Variants in FCHSD2 observed in about 807,000 individuals in gnomAD.
The protein encoded by FCHSD2 is F-BAR and double SH3 domains protein 2.
In FCHSD2, 38 loss-of-function variants were observed where a neutral mutation model predicts 108.1. The observed-to-expected ratio is 0.35, with a 90% confidence interval of 0.27 to 0.46. The LOEUF (loss-of-function observed/expected upper bound fraction) is 0.46, where lower values mean the gene tolerates loss of function less well. Among genes scored for constraint, FCHSD2 ranks in the 20% least tolerant of loss-of-function variants. The pLI, the probability that FCHSD2 is intolerant of heterozygous loss-of-function variation, is 1.00. For missense variants in FCHSD2, 751 were observed against 897.8 expected (o/e 0.84, Z 2.09); for synonymous variants, 279 against 314.7 (o/e 0.89, Z 1.20).
At chr11:72,915,977 A>T (rs1356323779) in intron 9 of FCHSD2, among the ~76,000 whole-genome samples, 1 of 152,192 alleles carries the variant, frequency 6.6e-6, no homozygotes, top group African/African-American at 2.4e-5. Context: ...CAGAAAAGCA[A>T]ATACCACATG....
At chr11:73,096,987 A>AATT (rs1860095700) in intron 2 of FCHSD2, among the ~76,000 whole-genome samples, 1 of 27,020 alleles carries the variant, frequency 3.7e-5, no homozygotes, top group African/African-American at 2.0e-4. Flanking sequence ...TCATTGATGG[A>AATT]TTTTTTTTTT....
intron 8 of FCHSD2, among the ~76,000 whole-genome samples, chr11:72,959,792 T>TC (rs1856788066): frequency 6.6e-6 from 1 of 151,964 alleles, no homozygotes; most frequent in African/African-American, 2.4e-5. Context: ...ATCATGTACA[T>TC]TATATGCTGA....
rs558294398 is a variant in FCHSD2, at chr11:72,964,536, T to G, written c.705+19552A>C. 5.9e-5 allele frequency among the ~76,000 whole-genome samples: 9 copies of G among 152,256 alleles called. No individual in the cohort carries two copies. In the East Asian group the frequency reaches 1.7e-3, roughly 29 times the overall value. On this transcript the variant is annotated intron_variant, in intron 8 of 19. Transcript: ENST00000409418. ...TCATTCCTTAAGGGCAAGGGCTGTGTTTTTGTTGCCTTTTCGTCTGGAGTC... is the reference window on the plus strand; with the variant it reads ...TCATTCCTTAAGGGCAAGGGCTGTGGTTTTGTTGCCTTTTCGTCTGGAGTC...
intron 8 of FCHSD2, among the ~76,000 whole-genome samples, chr11:72,930,845 C>T (rs1856174713): frequency 6.6e-6 from 1 of 151,652 alleles, no homozygotes; most frequent in African/African-American, 2.4e-5. Context: ...CTAATGGGTA[C>T]AAAAAAATAG....
intron 2 of FCHSD2, among the ~76,000 whole-genome samples, chr11:73,119,553 C>A (rs1860683745): frequency 6.6e-6 from 1 of 152,076 alleles, no homozygotes; most frequent in South Asian, 2.1e-4. Flanking sequence ...TAACCTCAAC[C>A]TCCTGGGTGC....
chr11:73,036,781 C>G (rs938822517), intron 3 of FCHSD2, among the ~76,000 whole-genome samples: 1 of 152,180 alleles, frequency 6.6e-6, no homozygotes, highest in African/African-American at 2.4e-5. Context: ...TCTTCCTCCA[C>G]AAATATTGTG....
At chr11:73,104,917 C>T (rs1860306764) in intron 2 of FCHSD2, among the ~76,000 whole-genome samples, 1 of 152,136 alleles carries the variant, frequency 6.6e-6, no homozygotes, top group Admixed American at 6.5e-5. Flanking sequence ...CTATATTTTA[C>T]AATATAGTTT....
At chr11:72,854,767 T>C (rs2135178429) in intron 13 of FCHSD2, among the ~76,000 whole-genome samples, 2 of 152,310 alleles carry the variant, frequency 1.3e-5, no homozygotes, top group South Asian at 4.1e-4. Flanking sequence ...GAAAGCAGAA[T>C]GGTGATTGTC....
At chr11:73,069,839 T>A (rs978478589) in intron 3 of FCHSD2, among the ~76,000 whole-genome samples, 2 of 152,148 alleles carry the variant, frequency 1.3e-5, no homozygotes. Flanking sequence ...ATAAAACATC[T>A]AGATTCATAA....
intron 3 of FCHSD2, among the ~76,000 whole-genome samples, chr11:73,056,378 G>A (rs78654834): frequency 0.01 from 1,557 of 152,112 alleles, 34 homozygotes; most frequent in African/African-American, 0.036. Context: ...AGGGAATACC[G>A]GTATTAGTAA....
At chr11:73,136,484 T>C (rs551643468) in intron 2 of FCHSD2, among the ~76,000 whole-genome samples, 8 of 142,126 alleles carry the variant, frequency 5.6e-5, no homozygotes, top group African/African-American at 1.3e-4. Context: ...AGAGGAGAGG[T>C]TGCAGTAAGC....
At chr11:72,899,077 A>G (rs1426608757) in intron 10 of FCHSD2, among the ~76,000 whole-genome samples, 5 of 152,174 alleles carry the variant, frequency 3.3e-5, no homozygotes, top group Non-Finnish European at 5.9e-5. Context: ...TCAACTGTAA[A>G]AGAAGGATTA....
chr11:72,939,197 T>C (rs1856364114), intron 8 of FCHSD2, among the ~76,000 whole-genome samples: 1 of 152,124 alleles, frequency 6.6e-6, no homozygotes, highest in Non-Finnish European at 1.5e-5. Flanking sequence ...CTTGGCAGTA[T>C]TTGAATCACA....
Position 72,913,141 on chromosome 11 carries a change from T to A in FCHSD2, c.828+8687A>T, listed in dbSNP as rs538623642. Among the ~76,000 whole-genome samples the A allele has an allele frequency of 3.3e-5, 5 of 152,236 alleles. No homozygotes were observed. In the South Asian group the frequency reaches 1.0e-3, roughly 32 times the overall value. On this transcript the variant is annotated intron_variant, in intron 9 of 19. Coordinates refer to ENST00000409418, the MANE Select transcript of FCHSD2 (RefSeq NM_014824.3). ...AAGAGAACAGCAAGGGGGAACTCCA[T>A]CCCCGTGATTTAATTACCTCCCACT...
intron 3 of FCHSD2, among the ~76,000 whole-genome samples, chr11:73,038,102 C>A (rs1255861771): frequency 6.6e-6 from 1 of 152,082 alleles, no homozygotes; most frequent in Non-Finnish European, 1.5e-5. Context: ...CTAAAAAATT[C>A]TTATGACGAG....
At chr11:72,986,402 G>A (rs1056346512) in intron 6 of FCHSD2, among the ~76,000 whole-genome samples, 5 of 152,000 alleles carry the variant, frequency 3.3e-5, no homozygotes, top group Non-Finnish European at 5.9e-5. Flanking sequence ...GTAGAGACGG[G>A]GTTTCACCAT....
chr11:73,039,449 T>C (rs1159990629), intron 3 of FCHSD2, among the ~76,000 whole-genome samples: 2 of 149,922 alleles, frequency 1.3e-5, no homozygotes, highest in African/African-American at 2.5e-5. Context: ...ACCCGGGAGA[T>C]GGAGGTAGCA....
intron 9 of FCHSD2, among the ~76,000 whole-genome samples, chr11:72,919,893 T>A (rs1456156459): frequency 6.6e-6 from 1 of 151,972 alleles, no homozygotes; most frequent in Non-Finnish European, 1.5e-5. Flanking sequence ...TCCAACTGAA[T>A]GGAAACTGAA....
At chr11:72,897,372 T>G (rs1312172563) in intron 10 of FCHSD2, among the ~76,000 whole-genome samples, 1 of 151,966 alleles carries the variant, frequency 6.6e-6, no homozygotes, top group Non-Finnish European at 1.5e-5. Context: ...TGTACAGACT[T>G]TTTTTCTTTG....
Sources: allele counts gnomAD v4.1 joint callset (sites outside exome capture counted in the v4.1 genomes callset), GRCh38; gene constraint gnomAD v4.1.1; transcripts MANE v1.5; gene names NCBI Gene and HGNC (gene_info 2026-07-23, HGNC 2026-07-21).